The following EIF4ENIF1 variants were observed in gnomAD, a reference collection of about 807,000 sequenced individuals.
EIF4ENIF1 encodes the protein eukaryotic translation initiation factor 4E transporter.
In EIF4ENIF1, 23 loss-of-function variants were observed where a neutral mutation model predicts 110.5. The observed-to-expected ratio is 0.21, with a 90% CI of 0.15 to 0.29. EIF4ENIF1 has a LOEUF of 0.29. Among genes scored for constraint, EIF4ENIF1 ranks in the 10% least tolerant of loss-of-function variants. The pLI is 1.00. For missense variants in EIF4ENIF1, 1,031 were observed against 1,221.1 expected (o/e 0.84, Z 2.32); for synonymous variants, 440 against 437.0 (o/e 1.01, Z -0.09).
intron 8 of EIF4ENIF1, 27 bp downstream of exon 8, chr22:31,455,825 C>G: frequency 6.2e-7 from 1 of 1,612,564 alleles, no homozygotes; most frequent in South Asian, 1.1e-5. Context: ...GGTTTACCTT[C>G]AAGGGCAGAA....
chr22:31,450,493 T>A, intron 10 of EIF4ENIF1, 133 bp from the exon 11 acceptor site: 1 of 643,352 alleles, frequency 1.6e-6, no homozygotes, highest in East Asian at 3.1e-5. Flanking sequence ...CACAGAAAAC[T>A]TAGACCAACG....
At chr22:31,438,542 C>T (rs1228396205), downstream of EIF4ENIF1, among the ~76,000 whole-genome samples, 1 of 152,008 alleles carries the variant, frequency 6.6e-6, no homozygotes, top group Non-Finnish European at 1.5e-5. Context: ...TAGATGATTC[C>T]TCAATAAACT....
upstream of EIF4ENIF1, among the ~76,000 whole-genome samples, chr22:31,491,598 C>T (rs2146136394): frequency 6.6e-6 from 1 of 152,302 alleles, no homozygotes; most frequent in African/African-American, 2.4e-5. Context: ...GTGATGAAGT[C>T]TTGCTCTGTC....
chr22:31,488,983 G>A (rs891875771), intron 1 of EIF4ENIF1, among the ~76,000 whole-genome samples: 11 of 152,206 alleles, frequency 7.2e-5, no homozygotes, highest in Admixed American at 1.3e-4. Context: ...CCAATTCAAG[G>A]TATATAACCT....
intron 1 of EIF4ENIF1, chr22:31,489,453 G>T (rs2052178059): frequency 6.6e-6 from 1 of 151,690 alleles, no homozygotes; most frequent in Admixed American, 6.6e-5. Flanking sequence ...GCTTCAAGCT[G>T]GAGCTAGCGC....
rs979640906 is a variant in EIF4ENIF1 at position 31,443,239 on chromosome 22, G to A, written c.2074-145C>T. The A allele has an allele frequency of 3.3e-6, 4 of 1,215,722 alleles. No homozygotes were observed. The South Asian group carries it at 6.3e-5, about 19-fold the overall frequency. The allele number at this position is 1,215,722 out of a possible 1,614,324, so 75.3% of individuals were successfully genotyped here. A position where few individuals can be genotyped will look rare whatever the true frequency, so the allele number is the denominator to read the frequency against. On this transcript the variant is annotated intron_variant, in intron 15 of 18. Transcript: ENST00000330125. ...TGTAGTATTCTGTTCTGTAGCTGCT[G>A]GAGGAAAAACAGAATGGGGCAAATA...
At chr22:31,440,954 G>A (rs534037389) in intron 17 of EIF4ENIF1, 86 bp from the exon 18 acceptor site, 1,022 of 1,545,026 alleles carry the variant, frequency 6.6e-4, no homozygotes, top group Non-Finnish European at 8.6e-4. Flanking sequence ...TGCTGATCTG[G>A]AAGTTTGTTA....
intron 4 of EIF4ENIF1, among the ~76,000 whole-genome samples, chr22:31,464,605 A>G (rs1170690362): frequency 7.1e-6 from 1 of 139,918 alleles, no homozygotes; most frequent in Non-Finnish European, 1.5e-5. Flanking sequence ...TTGAACCTGG[A>G]GGCAGAGGTT....
At chr22:31,477,028 C>G (rs1432419284) in intron 2 of EIF4ENIF1, among the ~76,000 whole-genome samples, 2 of 149,948 alleles carry the variant, frequency 1.3e-5, no homozygotes, top group African/African-American at 4.9e-5. Flanking sequence ...GCCTATTGTC[C>G]AGGCGACTTG....
Position 31,471,734 on chromosome 22 carries a change from T to A in EIF4ENIF1, c.170+110A>T. On this transcript the variant is annotated intron_variant, in intron 3 of 18. Coordinates refer to ENST00000330125, the MANE Select transcript of EIF4ENIF1 (RefSeq NM_019843.4). Reference sequence around the variant, plus strand: ...TTACCTCTCGAAATCCCTCTTTCACTTATAATTCTACCAGAAAACTTCAAA... The same window carrying A: ...TTACCTCTCGAAATCCCTCTTTCACATATAATTCTACCAGAAAACTTCAAA... 3 of 982,958 alleles carry A rather than the reference T, an allele frequency of 3.1e-6. No individual in the cohort carries two copies. In the East Asian group the frequency reaches 7.7e-5, roughly 25 times the overall value. The allele number at this position is 982,958 out of a possible 1,614,324, so 60.9% of individuals were successfully genotyped here. A position where few individuals can be genotyped will look rare whatever the true frequency, so the allele number is the denominator to read the frequency against.
chr22:31,492,966 A>AGG (rs1369738144), upstream of EIF4ENIF1, among the ~76,000 whole-genome samples: 1 of 151,778 alleles, frequency 6.6e-6, no homozygotes, highest in African/African-American at 2.4e-5. Flanking sequence ...TCCTGACCTC[A>AGG]TGATCCGCCC....
chr22:31,485,955 A>G (rs1304091403), intron 2 of EIF4ENIF1, among the ~76,000 whole-genome samples: 1 of 151,690 alleles, frequency 6.6e-6, no homozygotes, highest in African/African-American at 2.4e-5. Flanking sequence ...TAAAAATACA[A>G]AAAAAAATAG....
chr22:31,439,626 CAT>C lies in EIF4ENIF1; in HGVS notation c.*252_*253del. On this transcript the variant is annotated 3_prime_UTR_variant, in exon 19 of 19. Transcript: ENST00000330125. The stretch of plus-strand genomic sequence containing the variant: ...GGTGAGGACACCAACACTTCATTCA[CAT>C]ATCTTACAAAAAAGAAAGACCATTT... 1.9e-6 allele frequency: 1 copy of C among 523,472 alleles called. No individual in the cohort carries two copies. Among genetic ancestry groups the C allele is most frequent in the Non-Finnish European group, 3.3e-6 (1 of 301,622 alleles). 32.4% of individuals were successfully genotyped at this position (523,472 alleles called of 1,614,324 possible).
chr22:31,493,089 A>G (rs901262186), upstream of EIF4ENIF1, among the ~76,000 whole-genome samples: 3 of 150,806 alleles, frequency 2.0e-5, no homozygotes, highest in Non-Finnish European at 4.4e-5. Flanking sequence ...GCTGGAGTGC[A>G]GTAGCGTAAT....
chr22:31,460,661 T>C (rs1262115261), intron 6 of EIF4ENIF1, among the ~76,000 whole-genome samples: 1 of 114,820 alleles, frequency 8.7e-6, no homozygotes, highest in South Asian at 2.6e-4. Flanking sequence ...AAAAAAAAAA[T>C]AGAGGACTGG....
At chr22:31,463,657 A>C (rs2051073251) in intron 5 of EIF4ENIF1, 24 bp downstream of exon 5, 1 of 1,478,158 alleles carries the variant, frequency 6.8e-7, no homozygotes, top group Non-Finnish European at 8.9e-7. Context: ...AATTTAAAAA[A>C]AAAAAAAAAA....
intron 3 of EIF4ENIF1, among the ~76,000 whole-genome samples, chr22:31,469,993 G>A (rs1317817590): frequency 2.6e-5 from 4 of 151,686 alleles, no homozygotes; most frequent in Middle Eastern, 3.2e-3. Context: ...GTGAAACCCC[G>A]TCTCTACTAA....
At position 31,471,854 on chromosome 22, in the gene EIF4ENIF1, T is replaced by C. The variant is rs1386002598; in HGVS notation, c.160A>G (p.Lys54Glu). ...SKQRPSCLSE[K>E]YDSDGVWDPE... is the part of the protein sequence containing the mutation. Reference sequence around the variant, plus strand: ...GAATGACACACATACCTGTCATATTTTTCAGAAAGGCATGAAGGCCTCTGT... The same window carrying C: ...GAATGACACACATACCTGTCATATTCTTCAGAAAGGCATGAAGGCCTCTGT... Residue 54 changes from lysine to glutamate, a missense_variant, in exon 3 of 19, where the codon AAA becomes GAA. Lys to Glu is a moderately conservative substitution (Grantham distance 56). Around this residue, in one of 3 missense-constraint regions of EIF4ENIF1, gnomAD observed 704 missense variants for 879.7 expected, o/e 0.80. Coordinates refer to ENST00000330125, the MANE Select transcript of EIF4ENIF1 (RefSeq NM_019843.4). 1.2e-6 allele frequency: 2 copies of C among 1,604,908 alleles called. No homozygotes were observed. The highest frequency in any genetic ancestry group is 1.7e-6 in the Non-Finnish European group (2 of 1,177,484).
intron 14 of EIF4ENIF1, chr22:31,447,061 G>A (rs1250432556): frequency 8.9e-6 from 4 of 447,024 alleles, no homozygotes; most frequent in Non-Finnish European, 1.8e-5. Context: ...AAAATGAATG[G>A]TTTAACTGGT....
Sources: allele counts gnomAD v4.1 joint callset (sites outside exome capture counted in the v4.1 genomes callset), GRCh38; gene constraint gnomAD v4.1.1; regional missense constraint gnomAD v4.1.1; transcripts MANE v1.5; gene names NCBI Gene and HGNC (gene_info 2026-07-23, HGNC 2026-07-21).